The following AGBL4 variants were observed in gnomAD, a reference collection of about 807,000 sequenced individuals.
AGBL4 encodes cytosolic carboxypeptidase 6.
In AGBL4, 58 loss-of-function variants were observed where a neutral mutation model predicts 66.4. The ratio of observed to expected loss-of-function variants is 0.87; its 90% CI spans 0.71 to 1.09. AGBL4 has a LOEUF of 1.09. Ranked by LOEUF, AGBL4 falls within the 50% of genes least tolerant of loss-of-function variation. AGBL4 has a pLI of 0.00. For missense variants in AGBL4, 579 were observed against 631.0 expected, an observed-to-expected ratio of 0.92 and a Z score of 0.88; for synonymous variants, 234 against 222.9, an observed-to-expected ratio of 1.05 and a Z score of -0.44.
chr1:49,659,645 A>C (rs1052845709), intron 3 of AGBL4, among the ~76,000 whole-genome samples: 1 of 152,192 alleles, frequency 6.6e-6, no homozygotes, highest in Non-Finnish European at 1.5e-5. Flanking sequence ...AACTTCTTAG[A>C]GACCTACAAA....
chr1:48,690,500 C>T (rs893137720), intron 6 of AGBL4, among the ~76,000 whole-genome samples: 1 of 152,128 alleles, frequency 6.6e-6, no homozygotes, highest in Admixed American at 6.5e-5. Flanking sequence ...TGTTCAAGCC[C>T]CTCCTTTTCC....
chr1:49,735,181 G>GT (rs1377748241), intron 2 of AGBL4, among the ~76,000 whole-genome samples: 1 of 151,764 alleles, frequency 6.6e-6, no homozygotes, highest in Non-Finnish European at 1.5e-5. Context: ...AATACCAAAC[G>GT]TTTTTTGCAG....
chr1:48,827,131 C>T (rs558804655), intron 6 of AGBL4, among the ~76,000 whole-genome samples: 7 of 152,252 alleles, frequency 4.6e-5, no homozygotes, highest in Non-Finnish European at 1.0e-4. Context: ...TTTTGTATTG[C>T]CTCAGTATGC....
chr1:48,617,571 C>T (rs1217897838), intron 9 of AGBL4, among the ~76,000 whole-genome samples: 3 of 152,254 alleles, frequency 2.0e-5, no homozygotes, highest in Non-Finnish European at 4.4e-5. Context: ...CTGCTATTCT[C>T]TTCCTACGTG....
intron 3 of AGBL4, among the ~76,000 whole-genome samples, chr1:49,525,842 C>T (rs548736217): frequency 6.6e-6 from 1 of 152,046 alleles, no homozygotes; most frequent in African/African-American, 2.4e-5. Context: ...AATCCTAGTA[C>T]TTTGGGAGGC....
rs376734827 is a variant in AGBL4, at chr1:48,633,334, G to A, written c.951+1159C>T. Among the ~76,000 whole-genome samples the A allele has an allele frequency of 2.6e-5, 4 of 152,200 alleles. No individual in the cohort carries two copies. The East Asian group carries it at 5.8e-4, about 22-fold the overall frequency. On this transcript the variant is annotated intron_variant, in intron 9 of 13. Coordinates refer to ENST00000371839, the MANE Select transcript of AGBL4 (RefSeq NM_032785.4). ...CTCTTTAATTCAGGAAATTTTCACT[G>A]GCATCCTCAATGAGGGTAAGTAGAA...
intron 5 of AGBL4, among the ~76,000 whole-genome samples, chr1:48,990,897 T>C (rs897864116): frequency 6.6e-6 from 1 of 152,160 alleles, no homozygotes; most frequent in African/African-American, 2.4e-5. Context: ...TCTCCCACTT[T>C]TTTGTTTCTA....
chr1:49,513,070 C>G lies in AGBL4; in HGVS notation c.282+184243G>C, dbSNP rs11585083. Among the ~76,000 whole-genome samples the G allele has an allele frequency of 8.0e-3, 1,213 of 152,066 alleles. 14 individuals are homozygous for G. Among genetic ancestry groups the G allele is most frequent in the Non-Finnish European group, 0.012 (787 of 67,932 alleles). On this transcript the variant is annotated intron_variant, in intron 3 of 13. Coordinates refer to ENST00000371839, the MANE Select transcript of AGBL4 (RefSeq NM_032785.4). ...CTTGAAGAAGATAAATGACTAATGT[C>G]AGACAAACAGCAGTCACACTTCAAC...
chr1:49,073,709 C>G (rs1304244097), intron 4 of AGBL4, among the ~76,000 whole-genome samples: 1 of 152,198 alleles, frequency 6.6e-6, no homozygotes, highest in Non-Finnish European at 1.5e-5. Context: ...AGGTGTCTCC[C>G]AGTCAGGCTA....
chr1:49,117,474 G>A (rs1269999458), intron 4 of AGBL4, among the ~76,000 whole-genome samples: 1 of 152,106 alleles, frequency 6.6e-6, no homozygotes, highest in African/African-American at 2.4e-5. Context: ...TATTAAATAG[G>A]GAATCCTTTC....
chr1:49,703,758 A>G (rs1647146843), intron 2 of AGBL4, among the ~76,000 whole-genome samples: 1 of 152,058 alleles, frequency 6.6e-6, no homozygotes, highest in Admixed American at 6.6e-5. Context: ...AGATTAGGAA[A>G]GAGGAAATAA....
At position 49,105,380 on chromosome 1, in the gene AGBL4, A is replaced by G. The variant is rs545123729; in HGVS notation, c.378-59580T>C. ...TAGGATCATAGAACTGTTACTTGGA[A>G]GGGTTCTTAGAGATCTGTCCATGCC... On this transcript the variant is annotated intron_variant, in intron 4 of 13. Transcript: ENST00000371839. Among the ~76,000 whole-genome samples the G allele has an allele frequency of 7.9e-5, 12 of 152,272 alleles. No individual in the cohort carries two copies. In the South Asian group the frequency reaches 1.9e-3, roughly 24 times the overall value.
At chr1:48,799,400 T>A (rs763252545) in intron 6 of AGBL4, among the ~76,000 whole-genome samples, 1 of 152,122 alleles carries the variant, frequency 6.6e-6, no homozygotes, top group Non-Finnish European at 1.5e-5. Context: ...TCTGGATGAG[T>A]CTTTAGGGTT....
intron 1 of AGBL4, among the ~76,000 whole-genome samples, chr1:50,009,308 A>C (rs1661356653): frequency 6.6e-6 from 1 of 152,226 alleles, no homozygotes; most frequent in South Asian, 2.1e-4. Flanking sequence ...TAAAAAGTTC[A>C]TTCATCATGA....
intron 2 of AGBL4, among the ~76,000 whole-genome samples, chr1:49,821,159 T>C (rs1645359835): frequency 6.6e-6 from 1 of 152,180 alleles, no homozygotes; most frequent in Non-Finnish European, 1.5e-5. Context: ...TTAAAAGGAA[T>C]AGGTACCATG....
At chr1:49,647,969 G>C (rs1571243720) in intron 3 of AGBL4, among the ~76,000 whole-genome samples, 1 of 151,982 alleles carries the variant, frequency 6.6e-6, no homozygotes, top group South Asian at 2.1e-4. Flanking sequence ...CTTCTGCCCA[G>C]TACATCATGT....
intron 3 of AGBL4, among the ~76,000 whole-genome samples, chr1:49,441,157 T>G (rs1331407684): frequency 6.6e-6 from 1 of 152,118 alleles, no homozygotes; most frequent in Non-Finnish European, 1.5e-5. Flanking sequence ...CCCCTAGGTG[T>G]AAGGTCGAGA....
chr1:49,023,311 C>T (rs965234225), intron 5 of AGBL4, among the ~76,000 whole-genome samples: 5 of 152,150 alleles, frequency 3.3e-5, no homozygotes, highest in Non-Finnish European at 7.4e-5. Flanking sequence ...ACTAATGAGG[C>T]AGGCTCAGTT....
At chr1:49,996,500 T>C (rs1395543872) in intron 1 of AGBL4, among the ~76,000 whole-genome samples, 2 of 151,572 alleles carry the variant, frequency 1.3e-5, no homozygotes, top group African/African-American at 4.9e-5. Context: ...ATTAATCAAA[T>C]CCAACAATGA....
Sources: gnomAD v4.1 joint callset for allele counts (sites outside exome capture counted in the v4.1 genomes callset) on GRCh38, gnomAD v4.1.1 for gene constraint, MANE v1.5 for transcripts, NCBI Gene and HGNC (gene_info 2026-07-23, HGNC 2026-07-21) for gene names.